The following DYNC2I1 variants were observed in gnomAD, a reference collection of about 807,000 sequenced individuals.
DYNC2I1 encodes the protein dynein 2 intermediate chain 1, also known as cytoplasmic dynein 2 intermediate chain 1.
A neutral mutation model predicts 133.4 loss-of-function variants in DYNC2I1; 89 were observed. The ratio of observed to expected loss-of-function variants is 0.67; its 90% CI spans 0.56 to 0.80. The LOEUF is 0.80. DYNC2I1 is among the 30% of genes least tolerant of loss of function. The pLI is 0.00. For missense variants in DYNC2I1, 1,291 were observed against 1,314.5 expected (o/e 0.98, Z 0.28); for synonymous variants, 504 against 484.3 (o/e 1.04, Z -0.54).
intron 8 of DYNC2I1, among the ~76,000 whole-genome samples, chr7:158,892,364 T>G (rs1845310685): frequency 6.6e-6 from 1 of 152,236 alleles, no homozygotes; most frequent in Non-Finnish European, 1.5e-5. Flanking sequence ...ACCATGACTT[T>G]ATATGATAAT....
At chr7:158,854,457 C>A (rs1388173556), upstream of DYNC2I1, among the ~76,000 whole-genome samples, 1 of 143,860 alleles carries the variant, frequency 7.0e-6, no homozygotes, top group African/African-American at 2.6e-5. Flanking sequence ...ACAATGAGAA[C>A]ACATGGACAC....
At chr7:158,858,220 C>G (rs1841497293) in intron 1 of DYNC2I1, among the ~76,000 whole-genome samples, 1 of 152,210 alleles carries the variant, frequency 6.6e-6, no homozygotes, top group Non-Finnish European at 1.5e-5. Context: ...CTTTACATTT[C>G]TTTAAGTTAC....
intron 11 of DYNC2I1, among the ~76,000 whole-genome samples, chr7:158,909,655 C>T (rs1422384774): frequency 1.3e-5 from 2 of 152,048 alleles, no homozygotes; most frequent in African/African-American, 2.4e-5. Context: ...TTGAATATAC[C>T]GGAGCAACCA....
chr7:158,883,582 A>G, intron 5 of DYNC2I1, among the ~76,000 whole-genome samples: 1 of 143,506 alleles, frequency 7.0e-6, no homozygotes, highest in East Asian at 2.0e-4. Context: ...AGCTTCCTCC[A>G]GTTATCAATT....
intron 11 of DYNC2I1, 120 bp from the exon 12 acceptor site, chr7:158,911,430 C>T (rs1474988485): frequency 8.9e-6 from 10 of 1,126,864 alleles, no homozygotes; most frequent in African/African-American, 1.6e-5. Flanking sequence ...TCACCCCAGC[C>T]TGAAGCTAGG....
intron 11 of DYNC2I1, among the ~76,000 whole-genome samples, chr7:158,907,608 CT>C (rs1320008823): frequency 1.3e-5 from 2 of 149,842 alleles, no homozygotes; most frequent in African/African-American, 2.5e-5. Flanking sequence ...CCTTTTCTTT[CT>C]TTTACGTCTT....
chr7:158,866,248 C>T (rs894128632), intron 1 of DYNC2I1, among the ~76,000 whole-genome samples: 32 of 151,944 alleles, frequency 2.1e-4, no homozygotes, highest in African/African-American at 7.0e-4. Flanking sequence ...TGAACTGTCC[C>T]CTAATGTTCT....
chr7:158,846,481 A>C, the DYNC2I1 span, among the ~76,000 whole-genome samples: 1 of 152,290 alleles, frequency 6.6e-6, no homozygotes, highest in South Asian at 2.1e-4. Context: ...CATGTTGGGA[A>C]TTGTCTATGT....
the DYNC2I1 span, among the ~76,000 whole-genome samples, chr7:158,844,444 C>G: frequency 2.7e-4 from 41 of 150,492 alleles, no homozygotes; most frequent in African/African-American, 8.8e-4. Context: ...GGGGAGAGCG[C>G]GTGGGAATTG....
At chr7:158,906,303 G>T (rs1028382331) in intron 11 of DYNC2I1, among the ~76,000 whole-genome samples, 2 of 152,164 alleles carry the variant, frequency 1.3e-5, no homozygotes, top group Admixed American at 6.5e-5. Flanking sequence ...TTGGATGTTT[G>T]TTCTTAGATT....
intron 11 of DYNC2I1, among the ~76,000 whole-genome samples, chr7:158,907,622 G>C (rs1437892574): frequency 6.7e-6 from 1 of 149,352 alleles, no homozygotes; most frequent in African/African-American, 2.5e-5. Context: ...TACGTCTTCT[G>C]CTTTTGAGAC....
At position 158,870,327 on chromosome 7, in the gene DYNC2I1, TTTTA is replaced by T. The variant is rs1050710558; in HGVS notation, c.69+431_69+434del. ...TATCTCTCTTTTAACACATGTAGTATTTTATTTATTTATTTTTAGTTAATTAATT... is the reference window on the plus strand; with the variant it reads ...TATCTCTCTTTTAACACATGTAGTATTTTATTTATTTTTAGTTAATTAATT... On this transcript the variant is annotated intron_variant, in intron 2 of 24. Transcript: ENST00000407559. Among the ~76,000 whole-genome samples the T allele has an allele frequency of 2.6e-5, 4 of 152,022 alleles. No homozygotes were observed. In the South Asian group the frequency reaches 6.2e-4, roughly 24 times the overall value.
chr7:158,944,293 G>A (rs1851668370), intron 24 of DYNC2I1, among the ~76,000 whole-genome samples: 1 of 151,952 alleles, frequency 6.6e-6, no homozygotes, highest in Non-Finnish European at 1.5e-5. Flanking sequence ...CTTGGATTCT[G>A]TCTACCTTAA....
At chr7:158,950,076 G>T (rs572853787), downstream of DYNC2I1, among the ~76,000 whole-genome samples, 21 of 151,392 alleles carry the variant, frequency 1.4e-4, no homozygotes, top group African/African-American at 5.1e-4. Context: ...CAGCCAAGTC[G>T]AGCGTTTTTA....
intron 12 of DYNC2I1, among the ~76,000 whole-genome samples, 190 bp downstream of exon 12, chr7:158,911,869 G>T (rs185401426): frequency 6.6e-6 from 1 of 152,366 alleles, no homozygotes; most frequent in Non-Finnish European, 1.5e-5. Context: ...CACAGGCAAA[G>T]CCGGAGGCAC....
At chr7:158,844,260 G>T in the DYNC2I1 span, among the ~76,000 whole-genome samples, 1 of 152,104 alleles carries the variant, frequency 6.6e-6, no homozygotes, top group Non-Finnish European at 1.5e-5. Flanking sequence ...TTGTCTTAAC[G>T]TTTCTTTCCT....
intron 1 of DYNC2I1, among the ~76,000 whole-genome samples, chr7:158,864,260 T>G (rs1477433161): frequency 6.6e-6 from 1 of 152,106 alleles, no homozygotes; most frequent in Non-Finnish European, 1.5e-5. Flanking sequence ...CTCAGTGTCA[T>G]GCAGGGAACA....
chr7:158,927,806 C>T (rs1849774609), intron 20 of DYNC2I1, among the ~76,000 whole-genome samples: 1 of 152,164 alleles, frequency 6.6e-6, no homozygotes, highest in South Asian at 2.1e-4. Context: ...CCCACCTCAG[C>T]CTCCCATAGT....
At chr7:158,846,607 C>T in the DYNC2I1 span, among the ~76,000 whole-genome samples, 15 of 152,072 alleles carry the variant, frequency 9.9e-5, no homozygotes. Flanking sequence ...ATACATAATA[C>T]AAAACTAAAG....
Sources: allele counts gnomAD v4.1 joint callset (sites outside exome capture counted in the v4.1 genomes callset), GRCh38; gene constraint gnomAD v4.1.1; transcripts MANE v1.5; gene names NCBI Gene and HGNC (gene_info 2026-07-23, HGNC 2026-07-21).